Variants in TNIK observed in about 807,000 individuals in gnomAD.
The protein encoded by TNIK is TRAF2 and NCK interacting kinase, also known as TRAF2 and NCK-interacting protein kinase.
A neutral mutation model predicts 191.3 loss-of-function variants in TNIK; 49 were observed. The ratio of observed to expected loss-of-function variants is 0.26; its 90% CI spans 0.20 to 0.32. TNIK has a LOEUF of 0.32. Ranked by LOEUF, TNIK falls within the 10% of genes least tolerant of loss-of-function variation. The pLI is 1.00. For missense variants in TNIK, 1,155 were observed against 1,702.3 expected (o/e 0.68, Z 5.66); for synonymous variants, 594 against 600.9 (o/e 0.99, Z 0.17).
chr3:171,353,664 CTT>C (rs1187823650), intron 2 of TNIK, among the ~76,000 whole-genome samples: 4 of 152,148 alleles, frequency 2.6e-5, no homozygotes, highest in Admixed American at 2.6e-4. Flanking sequence ...AGAGATGGCT[CTT>C]AAACTATCAA....
At chr3:171,348,017 T>C (rs1712546834) in intron 2 of TNIK, among the ~76,000 whole-genome samples, 1 of 152,206 alleles carries the variant, frequency 6.6e-6, no homozygotes, top group East Asian at 1.9e-4. Flanking sequence ...GACTTACTTA[T>C]TCACTGTTAA....
Position 171,110,579 on chromosome 3 carries a change from G to A in TNIK, c.2284+135C>T, listed in dbSNP as rs925980660. The A allele has an allele frequency of 2.6e-6, 3 of 1,166,588 alleles. No individual in the cohort carries two copies. The Admixed American group carries it at 8.7e-5, about 34-fold the overall frequency. The allele number at this position is 1,166,588 out of a possible 1,614,324, so 72.3% of individuals were successfully genotyped here. On this transcript the variant is annotated intron_variant, in intron 19 of 32. Transcript: ENST00000436636. ...ACTCCCGAGGAGACTGGGGTTGAGA[G>A]CAGTTGACAGGCTCTTCAGGATCAC...
At chr3:171,254,343 C>T (rs1746595291) in intron 2 of TNIK, among the ~76,000 whole-genome samples, 1 of 152,310 alleles carries the variant, frequency 6.6e-6, no homozygotes, top group Admixed American at 6.5e-5. Context: ...CAGGCTGCTA[C>T]AAGATGAAGG....
At chr3:171,263,607 C>A (rs528069022) in intron 2 of TNIK, among the ~76,000 whole-genome samples, 3 of 152,216 alleles carry the variant, frequency 2.0e-5, no homozygotes, top group East Asian at 1.9e-4. Context: ...ATAAAACATA[C>A]TTTTCCTTTA....
intron 1 of TNIK, among the ~76,000 whole-genome samples, chr3:171,372,737 C>T (rs1716691051): frequency 1.3e-5 from 2 of 152,194 alleles, no homozygotes; most frequent in Non-Finnish European, 1.5e-5. Flanking sequence ...GCTACCTACA[C>T]TCCCAGAAGG....
intron 15 of TNIK, 32 bp from the exon 16 acceptor site, chr3:171,128,910 C>T (rs778840506): frequency 2.0e-6 from 2 of 1,014,702 alleles, no homozygotes; most frequent in Admixed American, 5.5e-5. Flanking sequence ...AAAAAAAAGA[C>T]AGCCTCAATG....
chr3:171,209,884 T>TC (rs1231606761), intron 4 of TNIK, among the ~76,000 whole-genome samples: 5 of 152,182 alleles, frequency 3.3e-5, no homozygotes, highest in South Asian at 2.1e-4. Flanking sequence ...TATTCTGTCT[T>TC]CCCCACTGGA....
intron 2 of TNIK, among the ~76,000 whole-genome samples, chr3:171,344,731 G>A (rs544884325): frequency 3.2e-3 from 426 of 131,854 alleles, no homozygotes; most frequent in African/African-American, 0.011. Flanking sequence ...CGAAATTCTC[G>A]TTTTTCTTAA....
chr3:171,351,267 A>G (rs866452074), intron 2 of TNIK, among the ~76,000 whole-genome samples: 5 of 45,886 alleles, frequency 1.1e-4, no homozygotes, highest in East Asian at 0.013. Flanking sequence ...ATATATATGT[A>G]TATATGTGTG....
At chr3:171,304,491 C>A (rs1487578565) in intron 2 of TNIK, among the ~76,000 whole-genome samples, 1 of 152,088 alleles carries the variant, frequency 6.6e-6, no homozygotes, top group Non-Finnish European at 1.5e-5. Flanking sequence ...ACCATTTGAC[C>A]CAGCCACCCC....
intron 22 of TNIK, among the ~76,000 whole-genome samples, chr3:171,094,209 A>T (rs1203101369): frequency 6.6e-6 from 1 of 151,102 alleles, no homozygotes; most frequent in Non-Finnish European, 1.5e-5. Flanking sequence ...ATCTTGACTC[A>T]CTGCAAGCTC....
intron 8 of TNIK, among the ~76,000 whole-genome samples, chr3:171,175,654 A>G (rs942808391): frequency 1.2e-4 from 18 of 152,258 alleles, no homozygotes; most frequent in Admixed American, 6.5e-4. Flanking sequence ...CATTTAAAGT[A>G]AATACCATCA....
At chr3:171,203,193 A>T (rs547288272) in intron 4 of TNIK, among the ~76,000 whole-genome samples, 34 of 152,112 alleles carry the variant, frequency 2.2e-4, no homozygotes, top group Non-Finnish European at 3.7e-4. Flanking sequence ...AGTGGGCATT[A>T]TTTTTACCAA....
chr3:171,059,125 C>T lies in TNIK; in HGVS notation c.*4756G>A, dbSNP rs1717612235. On this transcript the variant is annotated 3_prime_UTR_variant, in exon 33 of 33. Transcript: ENST00000436636. Reference sequence around the variant, plus strand: ...GCAACTTGGTGCTGATAAAAATAAACCATTAAAACCAAACCCTATCATGCA... The same window carrying T: ...GCAACTTGGTGCTGATAAAAATAAATCATTAAAACCAAACCCTATCATGCA... Among the ~76,000 whole-genome samples, 1 of 152,150 alleles carries T rather than the reference C, an allele frequency of 6.6e-6. No homozygotes were observed. Among genetic ancestry groups the T allele is most frequent in the Non-Finnish European group, 1.5e-5 (1 of 68,014 alleles).
chr3:171,208,652 A>G (rs1024827847), intron 4 of TNIK, among the ~76,000 whole-genome samples: 15 of 151,798 alleles, frequency 9.9e-5, no homozygotes, highest in African/African-American at 3.4e-4. Flanking sequence ...CCGCCTCCCA[A>G]GTTCAAGCAA....
chr3:171,112,182 A>G (rs1361618859), intron 18 of TNIK, among the ~76,000 whole-genome samples: 1 of 152,252 alleles, frequency 6.6e-6, no homozygotes, highest in Non-Finnish European at 1.5e-5. Flanking sequence ...GTAAATAGAT[A>G]TACTTTTTAT....
intron 2 of TNIK, among the ~76,000 whole-genome samples, chr3:171,296,278 A>T (rs11925024): frequency 1.2e-4 from 18 of 151,836 alleles, no homozygotes; most frequent in Admixed American, 5.2e-4. Context: ...GAGGCAGCCA[A>T]GGCAAATTAA....
chr3:171,192,397 C>T (rs550313649), intron 5 of TNIK, among the ~76,000 whole-genome samples: 15 of 152,160 alleles, frequency 9.9e-5, no homozygotes, highest in Non-Finnish European at 1.9e-4. Context: ...TGGAGGTCAC[C>T]TCCAAAACCT....
chr3:171,223,700 T>C (rs1742634243), intron 3 of TNIK, among the ~76,000 whole-genome samples: 1 of 152,138 alleles, frequency 6.6e-6, no homozygotes, highest in Non-Finnish European at 1.5e-5. Context: ...TGAATTAATA[T>C]ATAGAAAGTA....
Sources: allele counts gnomAD v4.1 joint callset (sites outside exome capture counted in the v4.1 genomes callset), GRCh38; gene constraint gnomAD v4.1.1; transcripts MANE v1.5; gene names NCBI Gene and HGNC (gene_info 2026-07-23, HGNC 2026-07-21).